The following HOMEZ variants were observed in gnomAD, a reference collection of about 807,000 sequenced individuals.
The protein encoded by HOMEZ is homeobox and leucine zipper protein Homez.
HOMEZ carries 20 observed loss-of-function variants against 50.1 expected under a neutral mutation model. The observed-to-expected ratio is 0.40, with a 90% CI of 0.28 to 0.58. The LOEUF (loss-of-function observed/expected upper bound fraction) is 0.58, where lower values mean the gene tolerates loss of function less well. Among genes scored for constraint, HOMEZ ranks in the 20% least tolerant of loss-of-function variants. The pLI, the probability that HOMEZ is intolerant of heterozygous loss-of-function variation, is 0.46. For synonymous variants in HOMEZ, 239 were observed against 254.7 expected, an observed-to-expected ratio of 0.94 and a Z score of 0.59; for missense variants, 579 against 680.5, an observed-to-expected ratio of 0.85 and a Z score of 1.66.
chr14:23,276,515 T>G lies in HOMEZ; in HGVS notation c.713A>C (p.Asn238Thr). ...LSKEQAGRGP[N>T]QSHGIGTASW... ...AGCAGTACCTATGCCATGTGACTGG[T>G]TGGGACCCCTGCCTGCCTGCTCCTT... Residue 238 changes from asparagine to threonine, a missense_variant, in exon 2 of 2, where the codon AAC (asparagine) becomes ACC (threonine). Asn to Thr is a moderately conservative substitution (Grantham distance 65). Coordinates refer to ENST00000357460, the MANE Select transcript of HOMEZ (RefSeq NM_020834.3). The surrounding 1 kb of genome is among the most constrained non-coding windows in gnomAD (Gnocchi z 4.1). 6.2e-7 allele frequency: 1 copy of G among 1,614,008 alleles called. No individual in the cohort carries two copies. Among genetic ancestry groups the G allele is most frequent in the African/African-American group, 1.3e-5 (1 of 75,046 alleles).
At position 23,277,056 on chromosome 14, in the gene HOMEZ, C is replaced by T. The variant is rs369090121; in HGVS notation, c.172G>A (p.Ala58Thr). ...SEELQLVWTQ[A>T]AQTSELDSNE... ...CTGTCTAGCTCACTGGTCTGGGCTG[C>T]TTGCGTCCACACAAGCTGTAGCTCC... The change falls in exon 2 of 2, where the codon GCA becomes ACA. Residue 58 changes from alanine to threonine, a missense_variant. Ala to Thr is a moderately conservative substitution (Grantham distance 58). Coordinates refer to ENST00000357460, the MANE Select transcript of HOMEZ (RefSeq NM_020834.3). The T allele has an allele frequency of 3.1e-6, 5 of 1,613,890 alleles. No homozygotes were observed. Among genetic ancestry groups the T allele is most frequent in the Non-Finnish European group, 4.2e-6 (5 of 1,179,898 alleles).
rs35341745 is a variant in HOMEZ at position 23,280,740 on chromosome 14, A to ATTTATTTTATTTTATTTTTT, written c.41-3554_41-3553insAAAAAATAAAATAAAATAAA. Among the ~76,000 whole-genome samples, 4 of 41,266 alleles carry ATTTATTTTATTTTATTTTTT rather than the reference A, an allele frequency of 9.7e-5. 1 individual carries two copies. Among genetic ancestry groups the ATTTATTTTATTTTATTTTTT allele is most frequent in the Non-Finnish European group, 1.0e-4 (2 of 19,796 alleles). The allele number at this position is 41,266 out of a possible 152,430, so 27.1% of individuals were successfully genotyped here. On this transcript the variant is annotated intron_variant, in intron 1 of 1. Transcript: ENST00000357460. ...ATTTTATTTTATTTTATTTTATTTT[A>ATTTATTTTATTTTATTTTTT]TTATTTTATTTTATTTTATTTTATT...
At chr14:23,285,726 A>T (rs187781153) in intron 1 of HOMEZ, 187 bp downstream of exon 1, 190 of 406,104 alleles carry the variant, frequency 4.7e-4, no homozygotes, top group African/African-American at 3.7e-3. Flanking sequence ...GCCCTCCCCT[A>T]CACAGACACT....
chr14:23,281,577 G>T (rs1282586351), intron 1 of HOMEZ, among the ~76,000 whole-genome samples: 1 of 151,982 alleles, frequency 6.6e-6, no homozygotes, highest in Non-Finnish European at 1.5e-5. Flanking sequence ...GGATGTCCGG[G>T]GTGAGACAAA....
In HOMEZ at chr14:23,275,966, TC is replaced by T; in HGVS notation, c.1261del (p.Asp421ThrfsTer25). The T allele has an allele frequency of 6.2e-7, 1 of 1,613,040 alleles. No homozygotes were observed. Among genetic ancestry groups the T allele is most frequent in the Non-Finnish European group, 8.5e-7 (1 of 1,179,470 alleles). On this transcript the variant is annotated frameshift_variant, in exon 2 of 2. Transcript: ENST00000357460. LOFTEE classifies it high-confidence loss of function. ...ACTAGGGGCACCAGGTACTGCGTTGTCCCGAAACCACTTTAGTTGCCCATGC... is the reference window on the plus strand; with the variant it reads ...ACTAGGGGCACCAGGTACTGCGTTGTCCGAAACCACTTTAGTTGCCCATGC... The part of the protein sequence containing the change: ...LKHGQLKWFR[D>X]NAVPGAPSFQ...
intron 1 of HOMEZ, among the ~76,000 whole-genome samples, chr14:23,280,836 C>A (rs560044997): frequency 3.1e-4 from 46 of 146,240 alleles, no homozygotes; most frequent in Non-Finnish European, 5.8e-4. Flanking sequence ...TGCAGTGGCA[C>A]GATCTTGGCT....
intron 1 of HOMEZ, among the ~76,000 whole-genome samples, chr14:23,280,490 C>T (rs1203187157): frequency 6.6e-6 from 1 of 152,028 alleles, no homozygotes; most frequent in Admixed American, 6.6e-5. Flanking sequence ...TACCCAGCAG[C>T]ACCACTGCTC....
intron 1 of HOMEZ, among the ~76,000 whole-genome samples, chr14:23,278,396 C>T (rs1238763811): frequency 1.3e-5 from 2 of 152,030 alleles, no homozygotes; most frequent in Non-Finnish European, 2.9e-5. Context: ...GACAGGGTCT[C>T]ACTCTGTTGC....
intron 1 of HOMEZ, among the ~76,000 whole-genome samples, chr14:23,282,238 G>A (rs1886572161): frequency 6.6e-6 from 1 of 152,020 alleles, no homozygotes; most frequent in South Asian, 2.1e-4. Flanking sequence ...CCTAATTCTA[G>A]TTAGCGATGA....
chr14:23,276,101 A>G lies in HOMEZ; in HGVS notation c.1127T>C (p.Leu376Ser). 6.2e-7 allele frequency: 1 copy of G among 1,612,778 alleles called. No individual in the cohort carries two copies. Among genetic ancestry groups the G allele is most frequent in the Non-Finnish European group, 8.5e-7 (1 of 1,179,282 alleles). ...CTCACGCCGTGCCCACTGGCACTGT[A>G]AAAAAAAGGATTTAAGGATAGCCAG... ...EQLAILKSFFLQCQWARREDY... is the reference protein window; with the variant it reads ...EQLAILKSFFSQCQWARREDY... Residue 376 changes from leucine to serine, a missense_variant, in exon 2 of 2, where the codon TTA (leucine) becomes TCA (serine). Transcript: ENST00000357460. The surrounding 1 kb of genome is among the most constrained non-coding windows in gnomAD (Gnocchi z 4.1).
At chr14:23,284,285 T>C (rs1005824010) in intron 1 of HOMEZ, among the ~76,000 whole-genome samples, 3 of 152,000 alleles carry the variant, frequency 2.0e-5, no homozygotes, top group African/African-American at 7.3e-5. Context: ...ACGTAAAGAG[T>C]TGATGGAATA....
Position 23,272,885 on chromosome 14 carries a change from T to C in HOMEZ, c.*2690A>G. ...GTGGGAGAGAAGCATGGACCACTTCTAGATAGATCATCTTCAAGATCTGAT... is the reference window on the plus strand; with the variant it reads ...GTGGGAGAGAAGCATGGACCACTTCCAGATAGATCATCTTCAAGATCTGAT... On this transcript the variant is annotated 3_prime_UTR_variant, in exon 2 of 2. Coordinates refer to ENST00000357460, the MANE Select transcript of HOMEZ (RefSeq NM_020834.3). The C allele has an allele frequency of 6.5e-7, 1 of 1,530,894 alleles. No homozygotes were observed. 94.8% of individuals were successfully genotyped at this position (1,530,894 alleles called of 1,614,324 possible).
Position 23,276,932 on chromosome 14 carries a change from A to G in HOMEZ, c.296T>C (p.Val99Ala), listed in dbSNP as rs1886378052. 1 of 1,613,944 alleles carries G rather than the reference A, an allele frequency of 6.2e-7. No individual in the cohort carries two copies. The highest frequency in any genetic ancestry group is 1.7e-5 in the Admixed American group (1 of 60,008). The change falls in exon 2 of 2, where the codon GTC becomes GCC. Residue 99 changes from valine (V) to alanine (A), a missense_variant. Transcript: ENST00000357460. The surrounding 1 kb of genome is among the most constrained non-coding windows in gnomAD (Gnocchi z 4.1). ...CLRYGLQMEK[V>A]KTWFMAQRLR... ...GCGCTGGGCCATAAACCAAGTCTTG[A>G]CTTTCTCCATCTGCAACCCATAACG...
intron 1 of HOMEZ, among the ~76,000 whole-genome samples, chr14:23,283,879 A>G (rs1190886220): frequency 6.6e-6 from 1 of 152,192 alleles, no homozygotes; most frequent in Admixed American, 6.5e-5. Context: ...TGGGGGACAG[A>G]GTGAGACTCT....
rs1566448125 is a variant in HOMEZ, at chr14:23,275,605, ATC to A, written c.1621_1622del (p.Asp541Ter). ...CTTGTATGATCACATCATCATCATC[ATC>A]ATCATCATCTTCCTCCTCCTCCTCC... ...EEEEEEEDDDDDDDDVIIQD is the reference protein window; with the variant it reads ...EEEEEEEDDDXDDDDVIIQD On this transcript the variant is annotated frameshift_variant, in exon 2 of 2. Transcript: ENST00000357460. LOFTEE classifies it high-confidence loss of function. 21 of 1,537,418 alleles carry A rather than the reference ATC, an allele frequency of 1.4e-5. No homozygotes were observed. Among genetic ancestry groups the A allele is most frequent in the Non-Finnish European group, 1.8e-5 (21 of 1,140,822 alleles).
At chr14:23,281,354 CG>C (rs935847989) in intron 1 of HOMEZ, among the ~76,000 whole-genome samples, 2 of 152,034 alleles carry the variant, frequency 1.3e-5, no homozygotes, top group Non-Finnish European at 2.9e-5. Context: ...CATGGCATGA[CG>C]GGTAGAAATA....
chr14:23,281,156 T>C (rs569811772), intron 1 of HOMEZ, among the ~76,000 whole-genome samples: 1 of 152,202 alleles, frequency 6.6e-6, no homozygotes, highest in South Asian at 2.1e-4. Context: ...ATTGCAAAAA[T>C]AAACCTCAAG....
chr14:23,281,963 A>G (rs1886567760), intron 1 of HOMEZ, among the ~76,000 whole-genome samples: 1 of 152,034 alleles, frequency 6.6e-6, no homozygotes, highest in Non-Finnish European at 1.5e-5. Context: ...ACTGCACCAC[A>G]GCCTGGGTGA....
At position 23,276,439 on chromosome 14, in the gene HOMEZ, G is replaced by T; in HGVS notation, c.789C>A (p.Pro263=). 5 of 1,614,068 alleles carry T rather than the reference G, an allele frequency of 3.1e-6. No homozygotes were observed. The highest frequency in any genetic ancestry group is 4.2e-6 in the Non-Finnish European group (5 of 1,179,900). The change falls in exon 2 of 2, where the codon CCC becomes CCA. Residue 263 remains proline (P), a synonymous_variant. Transcript: ENST00000357460. The surrounding 1 kb of genome is among the most constrained non-coding windows in gnomAD (Gnocchi z 4.1). ...TACTGGCAATTAATGCAATTGGTGG[G>T]GGTTTATCCCGAGCTTGTGGCTGGG... ...TVPQPQARDK[P]PPIALIASSC...
Sources: allele counts gnomAD v4.1 joint callset (sites outside exome capture counted in the v4.1 genomes callset), GRCh38; gene constraint gnomAD v4.1.1; non-coding constraint Gnocchi (gnomAD v3.1); transcripts MANE v1.5; gene names NCBI Gene and HGNC (gene_info 2026-07-23, HGNC 2026-07-21).